The following IQCJ variants were observed in gnomAD, a reference collection of about 807,000 sequenced individuals.
The protein encoded by IQCJ is IQ motif containing J, also known as IQ domain-containing protein J.
Under a neutral mutation model 11.0 loss-of-function variants are expected in IQCJ, and 9 were observed. The observed-to-expected ratio is 0.82, with a 90% CI of 0.49 to 1.43. The LOEUF is 1.43. Among genes scored for constraint, IQCJ ranks in the 40% most tolerant of loss-of-function variants. The pLI, the probability that IQCJ is intolerant of heterozygous loss-of-function variation, is 0.00. For missense variants in IQCJ, 146 were observed against 133.2 expected, an observed-to-expected ratio of 1.10 and a Z score of -0.47; for synonymous variants, 55 against 51.3, an observed-to-expected ratio of 1.07 and a Z score of -0.31.
intron 1 of IQCJ, among the ~76,000 whole-genome samples, chr3:159,165,729 T>A (rs1722127176): frequency 6.6e-6 from 1 of 150,844 alleles, no homozygotes; most frequent in Non-Finnish European, 1.5e-5. Context: ...TTCTCCTGCC[T>A]CAGCCTCCTG....
intron 1 of IQCJ, among the ~76,000 whole-genome samples, chr3:159,118,408 C>T (rs1022668785): frequency 1.3e-5 from 2 of 152,180 alleles, no homozygotes; most frequent in African/African-American, 2.4e-5. Context: ...ATGGCAAAAA[C>T]GACCATGACC....
chr3:159,115,330 T>C (rs1294907791), intron 1 of IQCJ, among the ~76,000 whole-genome samples: 2 of 152,174 alleles, frequency 1.3e-5, no homozygotes, highest in Non-Finnish European at 2.9e-5. Context: ...GGTGAGAGAA[T>C]GGAGGATTGC....
chr3:159,110,245 G>A (rs1033516325), intron 1 of IQCJ, among the ~76,000 whole-genome samples: 1 of 152,084 alleles, frequency 6.6e-6, no homozygotes, highest in Non-Finnish European at 1.5e-5. Context: ...CAATAAAATG[G>A]GGATGAATCT....
downstream of IQCJ, among the ~76,000 whole-genome samples, chr3:159,264,885 C>T (rs1728413394): frequency 6.6e-6 from 1 of 150,702 alleles, no homozygotes; most frequent in Non-Finnish European, 1.5e-5. Flanking sequence ...CCACTGCACT[C>T]CAGCCTGGAT....
chr3:159,196,418 TG>T (rs1723987035), intron 1 of IQCJ, among the ~76,000 whole-genome samples: 2 of 152,204 alleles, frequency 1.3e-5, no homozygotes, highest in African/African-American at 4.8e-5. Context: ...TAGAATTGCC[TG>T]GGTACCTTTT....
chr3:159,154,636 C>T (rs1465474583), intron 1 of IQCJ, among the ~76,000 whole-genome samples: 2 of 152,124 alleles, frequency 1.3e-5, no homozygotes, highest in Non-Finnish European at 2.9e-5. Flanking sequence ...GGTCTACTCA[C>T]TTCTTCAAGC....
At chr3:159,214,382 C>T (rs565017779) in intron 1 of IQCJ, among the ~76,000 whole-genome samples, 4 of 152,184 alleles carry the variant, frequency 2.6e-5, no homozygotes, top group African/African-American at 9.7e-5. Flanking sequence ...TCCTCACTGT[C>T]GTTGCCTTAG....
intron 1 of IQCJ, among the ~76,000 whole-genome samples, chr3:159,204,237 A>C (rs1296460521): frequency 1.3e-5 from 2 of 152,240 alleles, no homozygotes; most frequent in African/African-American, 4.8e-5. Context: ...CAGTGGGGAT[A>C]GCTTCTCTCT....
intron 1 of IQCJ, among the ~76,000 whole-genome samples, chr3:159,150,478 G>A (rs1468446235): frequency 6.6e-6 from 1 of 152,094 alleles, no homozygotes; most frequent in Admixed American, 6.6e-5. Flanking sequence ...GAAGACTGGT[G>A]GAGAATTGCA....
At position 159,183,611 on chromosome 3, in the gene IQCJ, G is replaced by A. The variant is rs541609231; in HGVS notation, c.10-62232G>A. Reference sequence around the variant, plus strand: ...ATAAGCCTTGAAATATCAAAGACTTGTTACAATAAAGTTTTATTTCTTGAT... The same window carrying A: ...ATAAGCCTTGAAATATCAAAGACTTATTACAATAAAGTTTTATTTCTTGAT... On this transcript the variant is annotated intron_variant, in intron 1 of 3. Coordinates refer to ENST00000397832, the MANE Select transcript of IQCJ (RefSeq NM_001042706.3). 3.3e-5 allele frequency among the ~76,000 whole-genome samples: 5 copies of A among 152,256 alleles called. No individual in the cohort carries two copies. In the South Asian group the frequency reaches 1.0e-3, roughly 32 times the overall value.
intron 1 of IQCJ, among the ~76,000 whole-genome samples, chr3:159,071,000 T>G (rs1226524531): frequency 6.6e-6 from 1 of 152,034 alleles, no homozygotes; most frequent in Non-Finnish European, 1.5e-5. Flanking sequence ...AATTGTAAAC[T>G]TCAGTAAAAT....
At chr3:159,262,365 C>T (rs184095019) in intron 3 of IQCJ, among the ~76,000 whole-genome samples, 183 bp from the exon 4 acceptor site, 18 of 152,314 alleles carry the variant, frequency 1.2e-4, no homozygotes, top group Middle Eastern at 3.4e-3. Context: ...GGGAGACAGT[C>T]TCCATGGCTG....
intron 3 of IQCJ, among the ~76,000 whole-genome samples, chr3:159,257,553 C>T (rs960465313): frequency 2.0e-5 from 3 of 152,214 alleles, no homozygotes; most frequent in East Asian, 1.9e-4. Context: ...AGCTACAAAC[C>T]GGGCGGATAC....
chr3:159,225,122 A>C (rs1209559681), intron 1 of IQCJ, among the ~76,000 whole-genome samples: 1 of 152,216 alleles, frequency 6.6e-6, no homozygotes, highest in Non-Finnish European at 1.5e-5. Context: ...TTATTATAAT[A>C]GCTAAAAATT....
At chr3:159,250,823 C>T (rs1175064527) in intron 2 of IQCJ, among the ~76,000 whole-genome samples, 1 of 152,178 alleles carries the variant, frequency 6.6e-6, no homozygotes, top group East Asian at 1.9e-4. Context: ...TTTCTATGCC[C>T]ACCTACCCAG....
chr3:159,143,911 C>T (rs1720768082), intron 1 of IQCJ, among the ~76,000 whole-genome samples: 1 of 152,172 alleles, frequency 6.6e-6, no homozygotes, highest in Admixed American at 6.5e-5. Flanking sequence ...AGGGCCTGGT[C>T]TCAGCTTCCA....
intron 1 of IQCJ, among the ~76,000 whole-genome samples, chr3:159,224,809 G>A (rs1725751416): frequency 6.6e-6 from 1 of 151,736 alleles, no homozygotes; most frequent in Non-Finnish European, 1.5e-5. Context: ...CTAATTACAA[G>A]GAAAAGAAAG....
intron 1 of IQCJ, among the ~76,000 whole-genome samples, chr3:159,104,333 T>G (rs554237944): frequency 4.9e-4 from 74 of 152,158 alleles, no homozygotes; most frequent in Non-Finnish European, 9.8e-4. Flanking sequence ...TCTTCTTAGC[T>G]CCTAATGATA....
chr3:159,106,359 T>G (rs948492583), intron 1 of IQCJ, among the ~76,000 whole-genome samples: 1 of 152,092 alleles, frequency 6.6e-6, no homozygotes, highest in Non-Finnish European at 1.5e-5. Flanking sequence ...ATAAAGATGG[T>G]GCTAAAGCCA....
Sources: gnomAD v4.1 joint callset for allele counts (sites outside exome capture counted in the v4.1 genomes callset) on GRCh38, gnomAD v4.1.1 for gene constraint, MANE v1.5 for transcripts, NCBI Gene and HGNC (gene_info 2026-07-23, HGNC 2026-07-21) for gene names.